Variants in GALNTL6 observed in about 807,000 individuals in gnomAD.
GALNTL6 encodes the protein polypeptide N-acetylgalactosaminyltransferase-like 6.
GALNTL6 carries 46 observed loss-of-function variants against 73.7 expected under a neutral mutation model. The observed-to-expected ratio is 0.62, with a 90% CI of 0.49 to 0.80. The LOEUF is 0.80. GALNTL6 is among the 30% of genes least tolerant of loss of function. The pLI is 0.00. For missense variants in GALNTL6, 604 were observed against 755.0 expected (o/e 0.80, Z 2.34); for synonymous variants, 259 against 263.7 (o/e 0.98, Z 0.17).
chr4:171,942,080 TAAA>T (rs1370155619), intron 2 of GALNTL6, among the ~76,000 whole-genome samples: 1 of 151,896 alleles, frequency 6.6e-6, no homozygotes, highest in African/African-American at 2.4e-5. Flanking sequence ...TTAACACATA[TAAA>T]ACAATATAAC....
intron 2 of GALNTL6, among the ~76,000 whole-genome samples, chr4:171,982,658 C>T (rs113820236): frequency 3.0e-4 from 45 of 152,224 alleles, no homozygotes; most frequent in Non-Finnish European, 4.7e-4. Flanking sequence ...CCCATAGTCC[C>T]CACATCAACC....
chr4:172,047,449 T>A (rs1417463060), intron 2 of GALNTL6, among the ~76,000 whole-genome samples: 1 of 152,238 alleles, frequency 6.6e-6, no homozygotes, highest in African/African-American at 2.4e-5. Flanking sequence ...GATGCATTAG[T>A]TGAATTTTGC....
intron 2 of GALNTL6, among the ~76,000 whole-genome samples, chr4:171,924,075 T>C (rs547273115): frequency 2.7e-4 from 41 of 151,978 alleles, no homozygotes; most frequent in Non-Finnish European, 4.9e-4. Context: ...TGATTGTAGA[T>C]GCTCAGGATG....
chr4:172,699,024 A>G (rs917287067), intron 5 of GALNTL6, among the ~76,000 whole-genome samples: 1 of 152,158 alleles, frequency 6.6e-6, no homozygotes, highest in African/African-American at 2.4e-5. Context: ...AGATCAAGGC[A>G]TTGGCAGATT....
chr4:172,158,577 A>C (rs1734356587), intron 2 of GALNTL6, among the ~76,000 whole-genome samples: 1 of 152,016 alleles, frequency 6.6e-6, no homozygotes. Context: ...TTTAATTGAC[A>C]GTCACTGATC....
chr4:172,843,106 T>C (rs143881695), intron 7 of GALNTL6, among the ~76,000 whole-genome samples: 1 of 152,306 alleles, frequency 6.6e-6, no homozygotes, highest in East Asian at 1.9e-4. Context: ...AGGTCCTCTG[T>C]AGCTGACACC....
intron 5 of GALNTL6, among the ~76,000 whole-genome samples, chr4:172,729,562 C>G (rs984914981): frequency 8.5e-5 from 13 of 152,124 alleles, no homozygotes; most frequent in African/African-American, 3.1e-4. Context: ...GGATTTATAT[C>G]TGGATTCTCT....
At chr4:172,346,702 T>G (rs1741751749) in intron 4 of GALNTL6, among the ~76,000 whole-genome samples, 1 of 152,240 alleles carries the variant, frequency 6.6e-6, no homozygotes, top group African/African-American at 2.4e-5. Context: ...TTGTTTTATC[T>G]CAACTTTGGA....
intron 2 of GALNTL6, among the ~76,000 whole-genome samples, chr4:172,123,500 A>ATTTTTTTTTT (rs67067629): frequency 8.7e-5 from 10 of 115,428 alleles, no homozygotes; most frequent in Non-Finnish European, 1.2e-4. Context: ...AAAAGTCATA[A>ATTTTTTTTTT]TTTTTTTTTT....
intron 5 of GALNTL6, among the ~76,000 whole-genome samples, chr4:172,755,886 T>A (rs1208671553): frequency 6.6e-6 from 1 of 152,232 alleles, no homozygotes; most frequent in Non-Finnish European, 1.5e-5. Context: ...GTATCCTTAT[T>A]TAATGAGTTT....
intron 7 of GALNTL6, among the ~76,000 whole-genome samples, chr4:172,881,229 G>C (rs1419961056): frequency 6.6e-6 from 1 of 152,192 alleles, no homozygotes; most frequent in South Asian, 2.1e-4. Context: ...TGCAGCTTCA[G>C]TTGTAATTCC....
chr4:171,917,232 C>A (rs1455393049), intron 2 of GALNTL6, among the ~76,000 whole-genome samples: 1 of 151,812 alleles, frequency 6.6e-6, no homozygotes, highest in Non-Finnish European at 1.5e-5. Flanking sequence ...CCAGACATAT[C>A]TATTGTCCCT....
Position 172,824,386 on chromosome 4 carries a change from GTGTGTGTGTT to G in GALNTL6, c.923+10673_923+10682del, listed in dbSNP as rs1259039630. On this transcript the variant is annotated intron_variant, in intron 7 of 12. Transcript: ENST00000506823. The stretch of plus-strand genomic sequence containing the variant: ...AGTGTGTGTGTGTGTGAGTGTGTGT[GTGTGTGTGTT>G]TGTGTGTGTGTGTTCATGTGTGTGT... Among the ~76,000 whole-genome samples, 920 of 122,588 alleles carry G rather than the reference GTGTGTGTGTT, an allele frequency of 7.5e-3. 6 individuals carry two copies. Among genetic ancestry groups the G allele is most frequent in the African/African-American group, 0.026 (545 of 21,022 alleles). The allele number at this position is 122,588 out of a possible 152,430, so 80.4% of individuals were successfully genotyped here. A position where few individuals can be genotyped will look rare whatever the true frequency, so the allele number is the denominator to read the frequency against.
At chr4:172,878,060 C>T (rs1745281525) in intron 7 of GALNTL6, among the ~76,000 whole-genome samples, 1 of 151,880 alleles carries the variant, frequency 6.6e-6, no homozygotes, top group South Asian at 2.1e-4. Flanking sequence ...ATATTTTAAG[C>T]GAAAGACTGG....
At chr4:172,864,721 T>C (rs999378029) in intron 7 of GALNTL6, among the ~76,000 whole-genome samples, 1 of 152,242 alleles carries the variant, frequency 6.6e-6, no homozygotes, top group Non-Finnish European at 1.5e-5. Context: ...AATCTCAAAG[T>C]TACATGTGAT....
intron 5 of GALNTL6, among the ~76,000 whole-genome samples, chr4:172,383,386 T>A (rs1177996459): frequency 2.0e-5 from 3 of 152,186 alleles, no homozygotes; most frequent in African/African-American, 7.2e-5. Context: ...AAAATTGTTT[T>A]CTTCATTTCA....
chr4:173,027,398 T>C (rs1753277534), intron 12 of GALNTL6, among the ~76,000 whole-genome samples: 1 of 152,250 alleles, frequency 6.6e-6, no homozygotes, highest in Non-Finnish European at 1.5e-5. Flanking sequence ...TCACCATTTA[T>C]TTAAAAGACC....
intron 2 of GALNTL6, among the ~76,000 whole-genome samples, chr4:171,861,426 TAAC>T (rs1021218701): frequency 1.1e-4 from 17 of 152,366 alleles, no homozygotes; most frequent in African/African-American, 4.1e-4. Context: ...CTTTACAATT[TAAC>T]ACCAGCTTGC....
chr4:172,919,838 G>T (rs1359635531), intron 8 of GALNTL6, among the ~76,000 whole-genome samples: 2 of 152,102 alleles, frequency 1.3e-5, no homozygotes, highest in Non-Finnish European at 2.9e-5. Context: ...TTCAAATCCA[G>T]TTTTTCCTCC....
Sources: allele counts gnomAD v4.1 joint callset (sites outside exome capture counted in the v4.1 genomes callset), GRCh38; gene constraint gnomAD v4.1.1; transcripts MANE v1.5; gene names NCBI Gene and HGNC (gene_info 2026-07-23, HGNC 2026-07-21).